Variants in DNAJC15 observed in about 807,000 individuals in gnomAD.
DNAJC15 encodes DnaJ heat shock protein family (Hsp40) member C15.
DNAJC15 carries 27 observed loss-of-function variants against 22.4 expected under a neutral mutation model. That is an observed-to-expected ratio of 1.20 (90% CI 0.89 to 1.66). The LOEUF is 1.66. Ranked by LOEUF, DNAJC15 falls within the 40% of genes most tolerant of loss-of-function variation. DNAJC15 has a pLI of 0.00. For missense variants in DNAJC15, 208 were observed against 187.1 expected (o/e 1.11, Z -0.65); for synonymous variants, 79 against 63.2 (o/e 1.25, Z -1.19).
chr13:43,071,968 A>G (rs1173925919), intron 3 of DNAJC15, among the ~76,000 whole-genome samples: 1 of 152,170 alleles, frequency 6.6e-6, no homozygotes, highest in African/African-American at 2.4e-5. Context: ...ACTGTTAATT[A>G]TCAGCTGCTA....
In DNAJC15 at chr13:43,049,495, A is replaced by T. The variant is rs375008707; in HGVS notation, c.109-16191A>T. ...GAAAGCATGCTAATTGTTTTTCAAC[A>T]ATAGTAAAATAGAGAACATGTTAAT... On this transcript the variant is annotated intron_variant, in intron 1 of 5. Coordinates refer to ENST00000379221, the MANE Select transcript of DNAJC15 (RefSeq NM_013238.3). 9.8e-5 allele frequency among the ~76,000 whole-genome samples: 15 copies of T among 152,358 alleles called. No homozygotes were observed. The East Asian group carries it at 2.1e-3, about 22-fold the overall frequency.
intron 1 of DNAJC15, among the ~76,000 whole-genome samples, chr13:43,050,929 T>C (rs931310471): frequency 6.6e-6 from 1 of 152,086 alleles, no homozygotes; most frequent in African/African-American, 2.4e-5. Context: ...TTTACTCTAG[T>C]GATCTACCTA....
chr13:43,048,809 C>T (rs539623028), intron 1 of DNAJC15, among the ~76,000 whole-genome samples: 1 of 152,078 alleles, frequency 6.6e-6, no homozygotes, highest in South Asian at 2.1e-4. Flanking sequence ...TATGTGGTAC[C>T]CTAATTTTGT....
At chr13:43,053,952 T>C (rs1001572581) in intron 1 of DNAJC15, among the ~76,000 whole-genome samples, 2 of 152,370 alleles carry the variant, frequency 1.3e-5, no homozygotes, top group Middle Eastern at 3.4e-3. Flanking sequence ...AGTACTATGT[T>C]GAATAGAAGT....
rs1269020433 is a variant in DNAJC15 at position 43,108,341 on chromosome 13, CA to C, written c.*1096del. ...AGCAAGGTTTGGACAGAGTGGTCAT[CA>C]AAGGCCAGCCCTGTGACTTACACTG... On this transcript the variant is annotated 3_prime_UTR_variant, in exon 6 of 6. Coordinates refer to ENST00000379221, the MANE Select transcript of DNAJC15 (RefSeq NM_013238.3). The C allele has an allele frequency of 6.6e-6, 1 of 152,122 alleles. No homozygotes were observed. The highest frequency in any genetic ancestry group is 1.5e-5 in the Non-Finnish European group (1 of 68,014). The allele number at this position is 152,122 out of a possible 1,614,324, so 9.4% of individuals were successfully genotyped here.
intron 1 of DNAJC15, among the ~76,000 whole-genome samples, chr13:43,051,158 A>G (rs2040501048): frequency 6.6e-6 from 1 of 151,918 alleles, no homozygotes; most frequent in East Asian, 1.9e-4. Flanking sequence ...TATTTTTAGT[A>G]TAAGCGATGG....
At chr13:43,082,149 A>G (rs958750428) in intron 4 of DNAJC15, among the ~76,000 whole-genome samples, 3 of 151,792 alleles carry the variant, frequency 2.0e-5, no homozygotes, top group African/African-American at 7.3e-5. Context: ...GAGCCAAACC[A>G]TATCACTATA....
intron 5 of DNAJC15, among the ~76,000 whole-genome samples, chr13:43,092,977 T>C (rs2040722629): frequency 6.6e-6 from 1 of 152,238 alleles, no homozygotes; most frequent in Admixed American, 6.5e-5. Flanking sequence ...CTTGACTTAC[T>C]ACAGTCTGAA....
At chr13:43,027,459 CAT>C (rs1406446478) in intron 1 of DNAJC15, among the ~76,000 whole-genome samples, 1 of 152,222 alleles carries the variant, frequency 6.6e-6, no homozygotes, top group East Asian at 1.9e-4. Context: ...AAACTAGACA[CAT>C]ATATGTTTCA....
intron 1 of DNAJC15, among the ~76,000 whole-genome samples, chr13:43,057,445 A>G (rs1293843202): frequency 1.3e-5 from 2 of 152,010 alleles, no homozygotes; most frequent in African/African-American, 4.8e-5. Flanking sequence ...CATTTCCAGA[A>G]GTTGTGATTG....
At chr13:43,027,078 A>T (rs2153439288) in intron 1 of DNAJC15, among the ~76,000 whole-genome samples, 1 of 152,346 alleles carries the variant, frequency 6.6e-6, no homozygotes, top group Non-Finnish European at 1.5e-5. Context: ...GTCATAATCA[A>T]ACTTTGCACT....
intron 1 of DNAJC15, among the ~76,000 whole-genome samples, chr13:43,051,636 TG>T (rs1290320509): frequency 1.6e-5 from 2 of 121,818 alleles, no homozygotes; most frequent in African/African-American, 6.7e-5. Flanking sequence ...TACTTCATGG[TG>T]TGTGTGTGTG....
chr13:43,104,693 CT>C (rs67240740), intron 5 of DNAJC15, among the ~76,000 whole-genome samples: 31,585 of 136,324 alleles, frequency 0.23, 3,443 homozygotes, highest in Non-Finnish European at 0.29. Flanking sequence ...CTTTTCTTTT[CT>C]TTTTTTTTTT....
intron 1 of DNAJC15, among the ~76,000 whole-genome samples, chr13:43,037,241 A>G (rs1258831452): frequency 1.3e-5 from 2 of 152,254 alleles, no homozygotes; most frequent in Admixed American, 6.5e-5. Context: ...TTTCCCAAGC[A>G]AGAAGAAATA....
chr13:43,056,928 TATAGGACCCAGATTCCTTCTTGATC>T (rs2040534233), intron 1 of DNAJC15, among the ~76,000 whole-genome samples: 1 of 152,334 alleles, frequency 6.6e-6, no homozygotes, highest in East Asian at 1.9e-4. Context: ...GGAGGCTAAA[TATAGGACCCAGATTCCTTCTTGATC>T]GTAGGGTTTC....
intron 5 of DNAJC15, among the ~76,000 whole-genome samples, chr13:43,090,360 TTCAG>T (rs1422654714): frequency 2.6e-5 from 4 of 152,250 alleles, no homozygotes; most frequent in Non-Finnish European, 4.4e-5. Flanking sequence ...TAAGTTGGGT[TTCAG>T]TTTGTGTAAG....
chr13:43,104,561 A>G (rs1244350252), intron 5 of DNAJC15, among the ~76,000 whole-genome samples: 4 of 152,220 alleles, frequency 2.6e-5, no homozygotes, highest in Non-Finnish European at 5.9e-5. Flanking sequence ...TAGTGGTAGA[A>G]GTACAAAGAT....
chr13:43,030,172 A>G (rs1485315952), intron 1 of DNAJC15, among the ~76,000 whole-genome samples: 3 of 152,202 alleles, frequency 2.0e-5, no homozygotes, highest in African/African-American at 7.2e-5. Flanking sequence ...TAACACAGGC[A>G]GTCTCCAACT....
intron 4 of DNAJC15, among the ~76,000 whole-genome samples, chr13:43,079,672 C>T (rs1169863557): frequency 1.3e-5 from 2 of 152,128 alleles, no homozygotes; most frequent in East Asian, 1.9e-4. Flanking sequence ...TTATTGGCCT[C>T]CCAAAATACC....
Sources: gnomAD v4.1 joint callset for allele counts (sites outside exome capture counted in the v4.1 genomes callset) on GRCh38, gnomAD v4.1.1 for gene constraint, MANE v1.5 for transcripts, NCBI Gene and HGNC (gene_info 2026-07-23, HGNC 2026-07-21) for gene names.